ZSWIM6: variants seen among roughly 807,000 people sequenced by gnomAD.
ZSWIM6 encodes the protein zinc finger SWIM-type containing 6.
Under a neutral mutation model 113.2 loss-of-function variants are expected in ZSWIM6, and 9 were observed. That is an observed-to-expected ratio of 0.08 (90% CI 0.05 to 0.14). The LOEUF is 0.14. ZSWIM6 is among the 10% of genes least tolerant of loss of function. The pLI, the probability that ZSWIM6 is intolerant of heterozygous loss-of-function variation, is 1.00. For missense variants in ZSWIM6, 1,162 were observed against 1,552.2 expected (o/e 0.75, Z 4.22); for synonymous variants, 611 against 606.5 (o/e 1.01, Z -0.11).
chr5:61,489,243 A>C (rs1033960050), intron 2 of ZSWIM6, among the ~76,000 whole-genome samples: 2 of 151,970 alleles, frequency 1.3e-5, no homozygotes, highest in Non-Finnish European at 2.9e-5. Context: ...GGCAGATCTC[A>C]GCTCAGTGCC....
chr5:61,379,517 G>A (rs576391889), intron 1 of ZSWIM6, among the ~76,000 whole-genome samples: 7 of 152,094 alleles, frequency 4.6e-5, no homozygotes, highest in African/African-American at 9.7e-5. Flanking sequence ...GTCTTTGGAC[G>A]ACTAGTTTTG....
intron 1 of ZSWIM6, among the ~76,000 whole-genome samples, chr5:61,380,224 C>T (rs1387722617): frequency 1.3e-5 from 2 of 152,050 alleles, no homozygotes; most frequent in Non-Finnish European, 2.9e-5. Flanking sequence ...TACAGGCACC[C>T]GCCACCACGC....
In ZSWIM6 at chr5:61,539,063, G is replaced by A. The variant is rs568134707; in HGVS notation, c.2539+92G>A. On this transcript the variant is annotated intron_variant, in intron 11 of 13. Transcript: ENST00000252744. ...GTTTTCTATCAAATTCTCAGCAGTG[G>A]TGTTAATGTCAGATAGGTTGAAGGG... 267 of 1,355,374 alleles carry A rather than the reference G, an allele frequency of 2.0e-4. No individual in the cohort carries two copies. In the East Asian group the frequency reaches 6.8e-3, roughly 35 times the overall value. 84.0% of individuals were successfully genotyped at this position (1,355,374 alleles called of 1,614,324 possible). A position where few individuals can be genotyped will look rare whatever the true frequency, so the allele number is the denominator to read the frequency against.
chr5:61,519,725 T>C (rs573872573), intron 4 of ZSWIM6, among the ~76,000 whole-genome samples: 1 of 152,172 alleles, frequency 6.6e-6, no homozygotes. Flanking sequence ...TAAAAGCTAT[T>C]TGATATTTAA....
intron 1 of ZSWIM6, among the ~76,000 whole-genome samples, chr5:61,399,231 GTTTTTT>G (rs35540556): frequency 6.8e-4 from 80 of 117,982 alleles, no homozygotes; most frequent in African/African-American, 2.0e-3. Context: ...GGCTGTGTAT[GTTTTTT>G]TTTTTTTTTT....
chr5:61,542,608 G>C (rs753776697), intron 13 of ZSWIM6, among the ~76,000 whole-genome samples: 10 of 152,136 alleles, frequency 6.6e-5, no homozygotes, highest in Non-Finnish European at 1.5e-4. Flanking sequence ...TGCCATCCCA[G>C]TGTTTAGATA....
At chr5:61,360,412 A>G (rs539679509) in intron 1 of ZSWIM6, among the ~76,000 whole-genome samples, 1 of 152,348 alleles carries the variant, frequency 6.6e-6, no homozygotes, top group Non-Finnish European at 1.5e-5. Flanking sequence ...CAGAGGAAGT[A>G]ATGTTTTTAA....
At chr5:61,391,699 C>T (rs986688983) in intron 1 of ZSWIM6, 10 of 1,133,646 alleles carry the variant, frequency 8.8e-6, no homozygotes, top group South Asian at 2.5e-5. Flanking sequence ...GTCGACTTCC[C>T]GCATGATGTT....
At chr5:61,365,904 A>G (rs2112059952) in intron 1 of ZSWIM6, among the ~76,000 whole-genome samples, 1 of 152,094 alleles carries the variant, frequency 6.6e-6, no homozygotes, top group African/African-American at 2.4e-5. Flanking sequence ...TAAACCTCCA[A>G]ATGTATCGTC....
intron 4 of ZSWIM6, among the ~76,000 whole-genome samples, chr5:61,518,223 A>G (rs1378178541): frequency 6.6e-6 from 1 of 151,790 alleles, no homozygotes; most frequent in Admixed American, 6.6e-5. Flanking sequence ...AGTCTTTGCT[A>G]TTGTGAATAA....
intron 2 of ZSWIM6, 84 bp downstream of exon 2, chr5:61,473,121 T>C: frequency 1.1e-6 from 1 of 899,736 alleles, no homozygotes; most frequent in South Asian, 2.3e-5. Flanking sequence ...AAAAGTGAAT[T>C]AAATGTGAAA....
rs543993690 is a variant in ZSWIM6, at chr5:61,468,431, T to C, written c.677-4250T>C. ...GTCAAATAAATATTTTAAGAAAAGG[T>C]TTATATAATTTATGTTTTAGTTCTA... On this transcript the variant is annotated intron_variant, in intron 1 of 13. Transcript: ENST00000252744. Among the ~76,000 whole-genome samples, 13 of 152,310 alleles carry C rather than the reference T, an allele frequency of 8.5e-5. No homozygotes were observed. The East Asian group carries it at 2.5e-3, about 29-fold the overall frequency.
intron 1 of ZSWIM6, among the ~76,000 whole-genome samples, chr5:61,467,538 T>A (rs1387682354): frequency 6.6e-6 from 1 of 152,210 alleles, no homozygotes; most frequent in Non-Finnish European, 1.5e-5. Flanking sequence ...GATGTAAGTA[T>A]TTTTTAAAAT....
At chr5:61,525,622 G>T (rs947203379) in intron 5 of ZSWIM6, among the ~76,000 whole-genome samples, 178 bp from the exon 6 acceptor site, 1 of 152,114 alleles carries the variant, frequency 6.6e-6, no homozygotes, top group African/African-American at 2.4e-5. Context: ...TGGCTCTTGG[G>T]CTGACCTGCC....
intron 1 of ZSWIM6, among the ~76,000 whole-genome samples, chr5:61,353,012 CT>C (rs997466586): frequency 6.6e-5 from 10 of 151,968 alleles, no homozygotes; most frequent in African/African-American, 2.2e-4. Context: ...TCTGCCTGAA[CT>C]TTTTTTTCCC....
chr5:61,463,580 A>G (rs1223070328), intron 1 of ZSWIM6, among the ~76,000 whole-genome samples: 1 of 152,180 alleles, frequency 6.6e-6, no homozygotes, highest in Non-Finnish European at 1.5e-5. Flanking sequence ...TCCACATGCC[A>G]AGAGTGTGTG....
At chr5:61,413,956 C>G (rs1561227980) in intron 1 of ZSWIM6, among the ~76,000 whole-genome samples, 1 of 151,614 alleles carries the variant, frequency 6.6e-6, no homozygotes, top group African/African-American at 2.4e-5. Context: ...GTGGGGCGAC[C>G]TGATGTATTC....
intron 1 of ZSWIM6, among the ~76,000 whole-genome samples, chr5:61,450,590 A>AT (rs920958444): frequency 2.0e-5 from 3 of 151,862 alleles, no homozygotes; most frequent in Admixed American, 1.3e-4. Context: ...ACTGGTGGGG[A>AT]TTTTTTTTAA....
rs1266592596 is a variant in ZSWIM6, at chr5:61,332,567, G to C, written c.295G>C (p.Glu99Gln). The C allele has an allele frequency of 7.3e-7, 1 of 1,365,924 alleles. No homozygotes were observed. The highest frequency in any genetic ancestry group is 9.7e-7 in the Non-Finnish European group (1 of 1,032,638). 84.6% of individuals were successfully genotyped at this position (1,365,924 alleles called of 1,614,324 possible). Residue 99 changes from glutamate to glutamine, a missense_variant, in exon 1 of 14, where the codon GAG (glutamate) becomes CAG (glutamine). This residue lies in a region of ZSWIM6 where 333 missense variants were observed against 293.4 expected (regional missense o/e 1.13). Coordinates refer to ENST00000252744, the MANE Select transcript of ZSWIM6 (RefSeq NM_020928.2). ...GTTCCAGCGCGTGGAGGAGCGCTTTGAGCGCATCCCGGAGCCGGTGCAGCG... is the reference window on the plus strand; with the variant it reads ...GTTCCAGCGCGTGGAGGAGCGCTTTCAGCGCATCCCGGAGCCGGTGCAGCG... ...WPFQRVEERF[E>Q]RIPEPVQRRI...
Sources: gnomAD v4.1 joint callset for allele counts (sites outside exome capture counted in the v4.1 genomes callset) on GRCh38, gnomAD v4.1.1 for gene constraint, gnomAD v4.1.1 regional missense constraint, MANE v1.5 for transcripts, NCBI Gene and HGNC (gene_info 2026-07-23, HGNC 2026-07-21) for gene names.